TNFRSF10A: variants seen among roughly 807,000 people sequenced by gnomAD.
TNFRSF10A encodes the protein tumor necrosis factor receptor superfamily member 10A.
TNFRSF10A carries 44 observed loss-of-function variants against 42.8 expected under a neutral mutation model. The ratio of observed to expected loss-of-function variants is 1.03; its 90% confidence interval spans 0.81 to 1.32. The LOEUF (loss-of-function observed/expected upper bound fraction) is 1.32. TNFRSF10A is among the 40% of genes most tolerant of loss of function. The pLI is 0.00. For missense variants in TNFRSF10A, 680 were observed against 602.0 expected, an observed-to-expected ratio of 1.13 and a Z score of -1.36; for synonymous variants, 259 against 234.2, an observed-to-expected ratio of 1.11 and a Z score of -0.97.
At chr8:23,219,561 G>T (rs535175725) in intron 1 of TNFRSF10A, among the ~76,000 whole-genome samples, 2 of 152,188 alleles carry the variant, frequency 1.3e-5, no homozygotes, top group Non-Finnish European at 2.9e-5. Flanking sequence ...TGCCACCATC[G>T]AAGTGCTGAA....
chr8:23,192,746 A>G (rs1251239149), intron 9 of TNFRSF10A, among the ~76,000 whole-genome samples: 1 of 152,232 alleles, frequency 6.6e-6, no homozygotes. Flanking sequence ...TTAATATGCA[A>G]TGAGTATACA....
chr8:23,191,244 GC>G lies in TNFRSF10A; in HGVS notation c.*449del. 1 of 171,164 alleles carries G rather than the reference GC, an allele frequency of 5.8e-6. No individual in the cohort carries two copies. Among genetic ancestry groups the G allele is most frequent in the Non-Finnish European group, 1.2e-5 (1 of 80,072 alleles). The allele number at this position is 171,164 out of a possible 1,614,324, so 10.6% of individuals were successfully genotyped here. A position where few individuals can be genotyped will look rare whatever the true frequency, so the allele number is the denominator to read the frequency against. ...ATGATAAGGAAACACACGGAGGCCA[GC>G]TCAGGGGAGAACCAGATTTTCCTTT... On this transcript the variant is annotated 3_prime_UTR_variant, in exon 10 of 10. Coordinates refer to ENST00000221132, the MANE Select transcript of TNFRSF10A (RefSeq NM_003844.4).
chr8:23,198,759 A>G (rs1483300848), intron 8 of TNFRSF10A, among the ~76,000 whole-genome samples: 1 of 152,072 alleles, frequency 6.6e-6, no homozygotes, highest in Non-Finnish European at 1.5e-5. Context: ...GTGTACATGC[A>G]TGTGTGTGCA....
Position 23,210,836 on chromosome 8 carries a change from A to G in TNFRSF10A, c.403+1280T>C, listed in dbSNP as rs373374572. 1.9e-3 allele frequency among the ~76,000 whole-genome samples: 282 copies of G among 152,334 alleles called. 1 individual carries two copies. Among genetic ancestry groups the G allele is most frequent in the African/African-American group, 6.5e-3 (272 of 41,580 alleles). ...AACCAAAAGTCACATGATTATCTCA[A>G]AAACACAGAGAAAGCATTTTACTAA... On this transcript the variant is annotated intron_variant, in intron 2 of 9. Transcript: ENST00000221132.
Position 23,200,505 on chromosome 8 carries a change from C to G in TNFRSF10A, c.799G>C (p.Gly267Arg). The change falls in exon 6 of 10, where the codon GGT becomes CGT. Residue 267 changes from glycine to arginine, a missense_variant and splice_region_variant. Transcript: ENST00000221132. The part of the protein sequence containing the change: ...VLIVCCCIGS[G>R]CGGDPKCMDR... Reference sequence around the variant, plus strand: ...GCCCTTGCCCTCAGCCAGCACCTACCTGAGCCGATGCAACAACAGACAATC... The same window carrying G: ...GCCCTTGCCCTCAGCCAGCACCTACGTGAGCCGATGCAACAACAGACAATC... 6.2e-7 allele frequency: 1 copy of G among 1,614,180 alleles called. No individual in the cohort carries two copies. The highest frequency in any genetic ancestry group is 8.5e-7 in the Non-Finnish European group (1 of 1,180,020).
chr8:23,219,928 C>G (rs148454388), intron 1 of TNFRSF10A, among the ~76,000 whole-genome samples: 5 of 152,356 alleles, frequency 3.3e-5, no homozygotes, highest in African/African-American at 1.2e-4. Context: ...TACCAGTGCT[C>G]TGGACAGACT....
chr8:23,195,258 G>A (rs77946535), intron 9 of TNFRSF10A, among the ~76,000 whole-genome samples: 2 of 152,216 alleles, frequency 1.3e-5, no homozygotes, highest in Admixed American at 6.5e-5. Context: ...TGAACTAATA[G>A]AGGACTGAAA....
At chr8:23,206,520 GGTT>G (rs1801011640) in intron 2 of TNFRSF10A, among the ~76,000 whole-genome samples, 2 of 152,302 alleles carry the variant, frequency 1.3e-5, no homozygotes, top group Admixed American at 1.3e-4. Context: ...TACTAGTACA[GGTT>G]TGTAATCTAA....
intron 1 of TNFRSF10A, among the ~76,000 whole-genome samples, chr8:23,221,907 C>T (rs1191300092): frequency 6.6e-6 from 1 of 151,788 alleles, no homozygotes; most frequent in African/African-American, 2.4e-5. Context: ...AACGGAGTCT[C>T]GCTCAGTCGC....
At chr8:23,205,125 A>C (rs1225224383) in intron 2 of TNFRSF10A, among the ~76,000 whole-genome samples, 1 of 152,198 alleles carries the variant, frequency 6.6e-6, no homozygotes, top group East Asian at 1.9e-4. Flanking sequence ...TAAATTAATG[A>C]ACTCAAAATC....
chr8:23,220,716 G>A (rs1467490178), intron 1 of TNFRSF10A, among the ~76,000 whole-genome samples: 1 of 152,208 alleles, frequency 6.6e-6, no homozygotes, highest in Admixed American at 6.5e-5. Flanking sequence ...TCCAGACTAA[G>A]TGACACCAAC....
chr8:23,222,033 T>G (rs1801264162), intron 1 of TNFRSF10A, among the ~76,000 whole-genome samples: 1 of 152,036 alleles, frequency 6.6e-6, no homozygotes, highest in African/African-American at 2.4e-5. Flanking sequence ...CCCGCCACCG[T>G]GCCTGGCTAA....
intron 1 of TNFRSF10A, among the ~76,000 whole-genome samples, chr8:23,223,077 C>A (rs1426283146): frequency 6.6e-6 from 1 of 151,790 alleles, no homozygotes. Flanking sequence ...TATTTTTTTT[C>A]TTTTCCGAAA....
At chr8:23,222,168 C>A (rs916820367) in intron 1 of TNFRSF10A, among the ~76,000 whole-genome samples, 2 of 152,188 alleles carry the variant, frequency 1.3e-5, no homozygotes, top group African/African-American at 4.8e-5. Flanking sequence ...TTAGCCACCG[C>A]ACCCGGCCAC....
chr8:23,200,799 G>A (rs1459627533), intron 4 of TNFRSF10A, 39 bp from the exon 5 acceptor site: 2 of 1,583,196 alleles, frequency 1.3e-6, no homozygotes, highest in African/African-American at 1.4e-5. Flanking sequence ...GACTCTTGAT[G>A]GAAAGCTGGC....
At chr8:23,213,106 A>G (rs1303916366) in intron 1 of TNFRSF10A, among the ~76,000 whole-genome samples, 1 of 152,194 alleles carries the variant, frequency 6.6e-6, no homozygotes, top group Non-Finnish European at 1.5e-5. Flanking sequence ...CTATTTCTTC[A>G]TGATTGAATA....
chr8:23,202,458 T>C (rs1379527048), intron 3 of TNFRSF10A, among the ~76,000 whole-genome samples, 190 bp downstream of exon 3: 1 of 152,144 alleles, frequency 6.6e-6, no homozygotes, highest in Non-Finnish European at 1.5e-5. Flanking sequence ...TAGTTTGCAC[T>C]ACCAGGTGGC....
chr8:23,224,444 C>G, intron 1 of TNFRSF10A: 1 of 400,138 alleles, frequency 2.5e-6, no homozygotes, highest in Non-Finnish European at 4.5e-6. Context: ...TGAGCTCTAT[C>G]GATTCCGAAA....
chr8:23,211,612 A>G (rs553887863), intron 2 of TNFRSF10A, among the ~76,000 whole-genome samples: 1 of 152,352 alleles, frequency 6.6e-6, no homozygotes, highest in Admixed American at 6.5e-5. Context: ...GGAAAACAAA[A>G]AAGAAAGATT....
Sources: allele counts gnomAD v4.1 joint callset (sites outside exome capture counted in the v4.1 genomes callset), GRCh38; gene constraint gnomAD v4.1.1; transcripts MANE v1.5; gene names NCBI Gene and HGNC (gene_info 2026-07-23, HGNC 2026-07-21).